EML4: variants seen among roughly 807,000 people sequenced by gnomAD.
The protein encoded by EML4 is EMAP like 4, also known as echinoderm microtubule-associated protein-like 4.
Under a neutral mutation model 129.0 loss-of-function variants are expected in EML4, and 72 were observed. The observed-to-expected ratio is 0.56, with a 90% CI of 0.46 to 0.68. The LOEUF (loss-of-function observed/expected upper bound fraction) is 0.68, where lower values mean the gene tolerates loss of function less well. EML4 is among the 30% of genes least tolerant of loss of function. EML4 has a pLI of 0.00. For missense variants in EML4, 1,363 were observed against 1,190.6 expected, an observed-to-expected ratio of 1.14 and a Z score of -2.13; for synonymous variants, 532 against 405.0, an observed-to-expected ratio of 1.31 and a Z score of -3.77.
At chr2:42,269,180 TTGA>T (rs1666232703) in intron 6 of EML4, among the ~76,000 whole-genome samples, 1 of 152,244 alleles carries the variant, frequency 6.6e-6, no homozygotes, top group African/African-American at 2.4e-5. Flanking sequence ...TTAAAAATAC[TTGA>T]AAAGTCATTT....
At chr2:42,308,590 TA>T (rs1466500774) in intron 17 of EML4, among the ~76,000 whole-genome samples, 1 of 152,110 alleles carries the variant, frequency 6.6e-6, no homozygotes, top group Non-Finnish European at 1.5e-5. Context: ...AAAAAAGAAA[TA>T]AAAAATAATT....
At chr2:42,326,282 T>C in intron 21 of EML4, 30 bp downstream of exon 21, 1 of 1,501,894 alleles carries the variant, frequency 6.7e-7, no homozygotes, top group Non-Finnish European at 9.2e-7. Context: ...TGTAAAGAAG[T>C]GGTTTGTGGG....
chr2:42,223,042 G>A lies in EML4; in HGVS notation c.26-22463G>A, dbSNP rs763280416. On this transcript the variant is annotated intron_variant, in intron 1 of 22. Coordinates refer to ENST00000318522, the MANE Select transcript of EML4 (RefSeq NM_019063.5). ...TCTCGATCTCCTGACCTCGTGATCCGCCCTCCACCCCTTCGGCCTCCCAAA... is the reference window on the plus strand; with the variant it reads ...TCTCGATCTCCTGACCTCGTGATCCACCCTCCACCCCTTCGGCCTCCCAAA... Among the ~76,000 whole-genome samples the A allele has an allele frequency of 4.0e-5, 6 of 151,876 alleles. No individual in the cohort carries two copies. The East Asian group carries it at 7.7e-4, about 20-fold the overall frequency.
chr2:42,218,264 A>C (rs1424617908), intron 1 of EML4, among the ~76,000 whole-genome samples: 1 of 151,712 alleles, frequency 6.6e-6, no homozygotes, highest in Non-Finnish European at 1.5e-5. Flanking sequence ...CTAATGCCTG[A>C]TCTGTCACTG....
intron 6 of EML4, among the ~76,000 whole-genome samples, chr2:42,273,024 G>C (rs1666458750): frequency 6.6e-6 from 1 of 152,070 alleles, no homozygotes; most frequent in South Asian, 2.1e-4. Context: ...TTGCCTCCCT[G>C]CTATAGTTAA....
At chr2:42,307,463 G>A (rs910492673) in intron 17 of EML4, among the ~76,000 whole-genome samples, 3 of 152,076 alleles carry the variant, frequency 2.0e-5, no homozygotes, top group Admixed American at 1.3e-4. Context: ...TCCTGTCTTT[G>A]GTTTCAGATC....
intron 3 of EML4, among the ~76,000 whole-genome samples, chr2:42,257,677 A>T (rs561754985): frequency 6.6e-6 from 1 of 152,086 alleles, no homozygotes; most frequent in Non-Finnish European, 1.5e-5. Flanking sequence ...CTACTAAAAA[A>T]TACAAAAAAA....
At chr2:42,218,710 C>G (rs1673361016) in intron 1 of EML4, among the ~76,000 whole-genome samples, 1 of 152,236 alleles carries the variant, frequency 6.6e-6, no homozygotes, top group South Asian at 2.1e-4. Context: ...CAATTCCATA[C>G]TAAAGTACAA....
intron 1 of EML4, among the ~76,000 whole-genome samples, chr2:42,213,948 A>G (rs6744964): frequency 0.15 from 22,488 of 152,210 alleles, 1,693 homozygotes; most frequent in East Asian, 0.18. Context: ...AATTAATTCC[A>G]TCAACAGTTA....
chr2:42,225,799 A>G (rs1673922556), intron 1 of EML4, among the ~76,000 whole-genome samples: 1 of 152,070 alleles, frequency 6.6e-6, no homozygotes, highest in Non-Finnish European at 1.5e-5. Flanking sequence ...TATAGGCAAT[A>G]TTGACATATT....
At chr2:42,244,328 A>T (rs188239931) in intron 1 of EML4, among the ~76,000 whole-genome samples, 1 of 151,988 alleles carries the variant, frequency 6.6e-6, no homozygotes, top group African/African-American at 2.4e-5. Flanking sequence ...CGATCTCCTG[A>T]CCTCATGATC....
At chr2:42,229,244 A>G (rs749763285) in intron 1 of EML4, among the ~76,000 whole-genome samples, 3 of 152,276 alleles carry the variant, frequency 2.0e-5, no homozygotes, top group South Asian at 2.1e-4. Context: ...TAATTTATCT[A>G]ATTTAATTTT....
At chr2:42,303,508 G>A (rs866590507) in intron 16 of EML4, 62 bp downstream of exon 16, 3 of 1,565,050 alleles carry the variant, frequency 1.9e-6, no homozygotes, top group Middle Eastern at 1.7e-4. Flanking sequence ...TGGCAGTTGA[G>A]AGCAGCAAAG....
At chr2:42,182,825 TACA>T (rs1671024453) in intron 1 of EML4, among the ~76,000 whole-genome samples, 1 of 152,174 alleles carries the variant, frequency 6.6e-6, no homozygotes, top group Non-Finnish European at 1.5e-5. Context: ...TTTGATTTCT[TACA>T]ACACCTTCCT....
intron 1 of EML4, among the ~76,000 whole-genome samples, chr2:42,213,049 A>G (rs769372145): frequency 5.9e-5 from 9 of 152,342 alleles, no homozygotes; most frequent in Non-Finnish European, 1.0e-4. Context: ...GTAACATAGT[A>G]TCAATAATGA....
intron 1 of EML4, among the ~76,000 whole-genome samples, chr2:42,177,083 TA>T (rs765211943): frequency 3.3e-5 from 5 of 152,128 alleles, no homozygotes; most frequent in Non-Finnish European, 7.4e-5. Context: ...GTACCATGCC[TA>T]AGCCAAATTA....
At chr2:42,269,035 A>T (rs1666223640) in intron 6 of EML4, among the ~76,000 whole-genome samples, 1 of 152,172 alleles carries the variant, frequency 6.6e-6, no homozygotes, top group Non-Finnish European at 1.5e-5. Context: ...CTAGGATTAG[A>T]TTCATTGTTA....
intron 1 of EML4, among the ~76,000 whole-genome samples, chr2:42,231,871 C>T (rs1415867906): frequency 1.3e-5 from 2 of 152,084 alleles, no homozygotes; most frequent in Non-Finnish European, 2.9e-5. Context: ...ATGGCGTGAA[C>T]CCGGGAGGCA....
intron 1 of EML4, among the ~76,000 whole-genome samples, chr2:42,180,287 T>C (rs1345596436): frequency 1.3e-5 from 2 of 152,240 alleles, no homozygotes; most frequent in Non-Finnish European, 2.9e-5. Flanking sequence ...TTGAGAAACA[T>C]GTCTCTGGAC....
Sources: gnomAD v4.1 joint callset for allele counts (sites outside exome capture counted in the v4.1 genomes callset) on GRCh38, gnomAD v4.1.1 for gene constraint, MANE v1.5 for transcripts, NCBI Gene and HGNC (gene_info 2026-07-23, HGNC 2026-07-21) for gene names.